Variants in HPS1 observed in about 807,000 individuals in gnomAD.
HPS1 encodes the protein HPS1 biogenesis of lysosomal organelles complex 3 subunit 1, also known as BLOC-3 complex member HPS1.
A neutral mutation model predicts 90.6 loss-of-function variants in HPS1; 59 were observed. The ratio of observed to expected loss-of-function variants is 0.65; its 90% CI spans 0.53 to 0.81. The LOEUF is 0.81. Among genes scored for constraint, HPS1 ranks in the 30% least tolerant of loss-of-function variants. HPS1 has a pLI of 0.00. For synonymous variants in HPS1, 388 were observed against 384.4 expected, an observed-to-expected ratio of 1.01 and a Z score of -0.11; for missense variants, 849 against 896.7, an observed-to-expected ratio of 0.95 and a Z score of 0.68.
In HPS1 at chr10:98,422,410, CCGA is replaced by C. The variant is rs1225809499; in HGVS notation, c.1699_1701del (p.Ser567del). On this transcript the variant is annotated inframe_deletion, in exon 17 of 20. Transcript: ENST00000361490. ...GCAGCCAGCGGCCCCTTGCCCAACT[CCGA>C]CGAGGTCTTTTGACTGCAGTTGAGG... 1 of 1,613,976 alleles carries C rather than the reference CCGA, an allele frequency of 6.2e-7. No individual in the cohort carries two copies. The highest frequency in any genetic ancestry group is 8.5e-7 in the Non-Finnish European group (1 of 1,179,952).
chr10:98,414,950 T>C, downstream of HPS1: 2 of 1,566,114 alleles, frequency 1.3e-6, no homozygotes, highest in Admixed American at 1.8e-5. Flanking sequence ...CCCACCAAGC[T>C]CTGAGCAGGG....
chr10:98,419,414 G>A (rs1844553826), intron 18 of HPS1, among the ~76,000 whole-genome samples: 1 of 152,076 alleles, frequency 6.6e-6, no homozygotes, highest in African/African-American at 2.4e-5. Flanking sequence ...GGGAGAGACA[G>A]GAGGAGAGGA....
rs1591001502 is a variant in HPS1 at position 98,417,310 on chromosome 10, C to A, written c.*254G>T. 7 of 434,468 alleles carry A rather than the reference C, an allele frequency of 1.6e-5. No homozygotes were observed. The East Asian group carries it at 2.8e-4, about 17-fold the overall frequency. 26.9% of individuals were successfully genotyped at this position (434,468 alleles called of 1,614,324 possible). A position where few individuals can be genotyped will look rare whatever the true frequency, so the allele number is the denominator to read the frequency against. ...GGCAGAGGCAGCTCTGGAAGAGGAG[C>A]TGTTGCCACCGTTGTTTTACAAACA... On this transcript the variant is annotated 3_prime_UTR_variant, in exon 20 of 20. Transcript: ENST00000361490. This position sits in a 1 kb window ranked among gnomAD's most constrained non-coding sequence, Gnocchi z 4.2.
chr10:98,419,895 C>T (rs1296076795), intron 18 of HPS1, 150 bp downstream of exon 18: 2 of 722,412 alleles, frequency 2.8e-6, no homozygotes, highest in Non-Finnish European at 5.1e-6. Context: ...AATGTGACCT[C>T]TGAACTCTGG....
chr10:98,423,279 A>ACCCCCCCCCCCCCCCTCC (rs10636671), intron 16 of HPS1, among the ~76,000 whole-genome samples: 1 of 132,070 alleles, frequency 7.6e-6, no homozygotes, highest in African/African-American at 3.0e-5. Context: ...GACCACAGGA[A>ACCCCCCCCCCCCCCCTCC]CCCCCCCCCC....
At chr10:98,424,242 G>C in intron 14 of HPS1, 71 bp downstream of exon 14, 1 of 1,077,190 alleles carries the variant, frequency 9.3e-7, no homozygotes, top group Non-Finnish European at 1.4e-6. Flanking sequence ...AGTGGTGGAG[G>C]AGATGTGGCC....
chr10:98,434,789 CT>C (rs1194372511), intron 5 of HPS1, among the ~76,000 whole-genome samples: 1 of 152,138 alleles, frequency 6.6e-6, no homozygotes, highest in Non-Finnish European at 1.5e-5. Context: ...CCATGATTCT[CT>C]TTCCCCAAGT....
At chr10:98,421,621 C>A (rs1844857248) in intron 17 of HPS1, among the ~76,000 whole-genome samples, 1 of 152,262 alleles carries the variant, frequency 6.6e-6, no homozygotes, top group Admixed American at 6.5e-5. Context: ...ACCAAGATAA[C>A]CCCAACTGTC....
At chr10:98,439,028 T>C (rs1937910452) in intron 3 of HPS1, among the ~76,000 whole-genome samples, 1 of 152,228 alleles carries the variant, frequency 6.6e-6, no homozygotes. Context: ...GTGACCTACA[T>C]GTGGTATTGG....
intron 10 of HPS1, 41 bp downstream of exon 10, chr10:98,429,532 C>T (rs371098633): frequency 6.2e-7 from 1 of 1,614,106 alleles, no homozygotes; most frequent in Non-Finnish European, 8.5e-7. Flanking sequence ...CTGTCGCTCG[C>T]AGCTAGCTAT....
chr10:98,421,123 GC>G (rs1449827776), intron 17 of HPS1, among the ~76,000 whole-genome samples: 1 of 152,224 alleles, frequency 6.6e-6, no homozygotes, highest in Non-Finnish European at 1.5e-5. Flanking sequence ...GACTCGAGGA[GC>G]CCTCTCCTCT....
chr10:98,421,265 A>T (rs1220014614), intron 17 of HPS1, among the ~76,000 whole-genome samples: 1 of 152,246 alleles, frequency 6.6e-6, no homozygotes, highest in Non-Finnish European at 1.5e-5. Flanking sequence ...TCTTAAAAAC[A>T]TTCCTCCCAT....
intron 3 of HPS1, among the ~76,000 whole-genome samples, chr10:98,441,609 G>A (rs1938437082): frequency 6.6e-6 from 1 of 152,100 alleles, no homozygotes. Flanking sequence ...TGTAAAACAT[G>A]TATCTGATAA....
chr10:98,431,919 T>C (rs1452553750), intron 6 of HPS1, among the ~76,000 whole-genome samples: 1 of 152,286 alleles, frequency 6.6e-6, no homozygotes. Flanking sequence ...GCCTTATTAA[T>C]GGAATGTTTT....
intron 11 of HPS1, 105 bp from the exon 12 acceptor site, chr10:98,426,090 G>C: frequency 9.6e-7 from 1 of 1,041,662 alleles, no homozygotes; most frequent in East Asian, 2.5e-5. Context: ...TTAGCTCCAA[G>C]AAACTCCAGT....
chr10:98,414,165 C>T (rs1000131177), downstream of HPS1: 1 of 151,986 alleles, frequency 6.6e-6, no homozygotes, highest in African/African-American at 2.4e-5. Context: ...GAGTATCTAC[C>T]AGCTCGCAAC....
chr10:98,440,765 C>G (rs184425800), intron 3 of HPS1, among the ~76,000 whole-genome samples: 74 of 151,654 alleles, frequency 4.9e-4, no homozygotes, highest in Admixed American at 2.6e-3. Context: ...TTCCTTTACA[C>G]TACTCATTTT....
chr10:98,431,915 T>C (rs1362069088), intron 6 of HPS1, among the ~76,000 whole-genome samples: 1 of 152,266 alleles, frequency 6.6e-6, no homozygotes, highest in Non-Finnish European at 1.5e-5. Flanking sequence ...AAAAGCCTTA[T>C]TAATGGAATG....
rs1271497716 is a variant in HPS1, at chr10:98,434,231, C to T, written c.399-140G>A. On this transcript the variant is annotated intron_variant, in intron 5 of 19. Transcript: ENST00000361490. ...CTGCCCACACAGCTGGGAAAGGGGG[C>T]CAGGTTTCCGGCCGAGCTCTAACTG... is the stretch of plus-strand genomic sequence containing the variant. The T allele has an allele frequency of 3.5e-6, 3 of 851,144 alleles. No homozygotes were observed. The African/African-American group carries it at 5.1e-5, about 14-fold the overall frequency. The allele number at this position is 851,144 out of a possible 1,614,324, so 52.7% of individuals were successfully genotyped here.
Sources: allele counts gnomAD v4.1 joint callset (sites outside exome capture counted in the v4.1 genomes callset), GRCh38; gene constraint gnomAD v4.1.1; non-coding constraint Gnocchi (gnomAD v3.1); transcripts MANE v1.5; gene names NCBI Gene and HGNC (gene_info 2026-07-23, HGNC 2026-07-21).